GPC5: variants seen among roughly 807,000 people sequenced by gnomAD.
GPC5 encodes glypican-5.
GPC5 carries 47 observed loss-of-function variants against 53.9 expected under a neutral mutation model. The ratio of observed to expected loss-of-function variants is 0.87; its 90% CI spans 0.69 to 1.11. The LOEUF is 1.11. Among genes scored for constraint, GPC5 ranks in the 50% most tolerant of loss-of-function variants. GPC5 has a pLI of 0.00. For synonymous variants in GPC5, 286 were observed against 263.3 expected, an observed-to-expected ratio of 1.09 and a Z score of -0.84; for missense variants, 748 against 713.1, an observed-to-expected ratio of 1.05 and a Z score of -0.56.
In GPC5 at chr13:92,320,764, T is replaced by C. The variant is rs567308881; in HGVS notation, c.1561+175775T>C. 7.2e-5 allele frequency among the ~76,000 whole-genome samples: 11 copies of C among 152,268 alleles called. No individual in the cohort carries two copies. In the East Asian group the frequency reaches 2.1e-3, roughly 29 times the overall value. ...AAAAACTGTAAGACAGAAAATTAAT[T>C]AGGGCCCCCAAATGTCTTGAACTTA... is the stretch of plus-strand genomic sequence containing the variant. On this transcript the variant is annotated intron_variant, in intron 7 of 7. Transcript: ENST00000377067.
At chr13:92,636,220 T>C (rs1025199145) in intron 7 of GPC5, among the ~76,000 whole-genome samples, 1 of 152,190 alleles carries the variant, frequency 6.6e-6, no homozygotes, top group African/African-American at 2.4e-5. Context: ...AGAAATCAAG[T>C]TATAAAAATA....
intron 7 of GPC5, among the ~76,000 whole-genome samples, chr13:92,756,428 G>A (rs998449344): frequency 9.5e-4 from 144 of 151,546 alleles, no homozygotes; most frequent in African/African-American, 3.4e-3. Context: ...CACAAGACAG[G>A]GATGCCCTCT....
chr13:91,498,172 G>C (rs186472191), intron 2 of GPC5, among the ~76,000 whole-genome samples: 2 of 148,410 alleles, frequency 1.3e-5, no homozygotes, highest in African/African-American at 5.0e-5. Flanking sequence ...GTTTTGTCTT[G>C]GCTGTTTGCT....
intron 5 of GPC5, among the ~76,000 whole-genome samples, chr13:91,786,028 G>T (rs746766996): frequency 1.3e-5 from 2 of 151,924 alleles, no homozygotes; most frequent in East Asian, 1.9e-4. Context: ...ACCAAGTCTC[G>T]CTCTGTCACC....
At chr13:91,820,650 T>G (rs560039587) in intron 5 of GPC5, among the ~76,000 whole-genome samples, 1 of 152,334 alleles carries the variant, frequency 6.6e-6, no homozygotes, top group African/African-American at 2.4e-5. Context: ...GCATGTTTAG[T>G]TGAGCTTTAT....
At chr13:92,814,517 C>T (rs193180618) in intron 7 of GPC5, among the ~76,000 whole-genome samples, 11 of 151,422 alleles carry the variant, frequency 7.3e-5, no homozygotes, top group Middle Eastern at 3.4e-3. Context: ...AAAAATTAGC[C>T]GGGCATGGTG....
chr13:92,408,605 C>T (rs548887781), intron 7 of GPC5, among the ~76,000 whole-genome samples: 52 of 149,742 alleles, frequency 3.5e-4, no homozygotes, highest in African/African-American at 1.2e-3. Flanking sequence ...TTAGCTCCTG[C>T]GATCTACCTT....
At chr13:92,316,042 T>C (rs956564037) in intron 7 of GPC5, among the ~76,000 whole-genome samples, 1 of 152,212 alleles carries the variant, frequency 6.6e-6, no homozygotes, top group African/African-American at 2.4e-5. Flanking sequence ...ACAGGTCAGA[T>C]AGAATTCGAT....
intron 1 of GPC5, among the ~76,000 whole-genome samples, chr13:91,447,820 G>T (rs557378760): frequency 6.6e-6 from 1 of 152,030 alleles, no homozygotes. Flanking sequence ...GGAAATAACC[G>T]TATTAGGCCA....
intron 2 of GPC5, among the ~76,000 whole-genome samples, chr13:91,457,572 T>G (rs191840782): frequency 1.7e-3 from 266 of 152,224 alleles, no homozygotes; most frequent in African/African-American, 6.3e-3. Context: ...ATAGGGACAA[T>G]GCACCCTGCC....
At chr13:92,192,600 ATTG>A (rs2042230498) in intron 7 of GPC5, among the ~76,000 whole-genome samples, 1 of 152,190 alleles carries the variant, frequency 6.6e-6, no homozygotes, top group Non-Finnish European at 1.5e-5. Flanking sequence ...GAAAAAAAGT[ATTG>A]TTTAGTTGAA....
chr13:92,551,962 T>G (rs1237064697), intron 7 of GPC5, among the ~76,000 whole-genome samples: 1 of 151,924 alleles, frequency 6.6e-6, no homozygotes, highest in African/African-American at 2.4e-5. Flanking sequence ...GATACTAATA[T>G]GCATTAATTT....
chr13:92,563,077 TATC>T (rs1229811987), intron 7 of GPC5, among the ~76,000 whole-genome samples: 1 of 151,950 alleles, frequency 6.6e-6, no homozygotes, highest in Non-Finnish European at 1.5e-5. Flanking sequence ...TACCAATCAA[TATC>T]ATTTTTCTAT....
intron 4 of GPC5, among the ~76,000 whole-genome samples, chr13:91,750,674 C>CTTTTTTT (rs752907631): frequency 4.5e-4 from 37 of 82,006 alleles, no homozygotes; most frequent in Admixed American, 9.5e-4. Context: ...TAGGTAAGTC[C>CTTTTTTT]TTTTTTTTTT....
rs575434196 is a variant in GPC5 at position 91,836,121 on chromosome 13, G to A, written c.1281-71816G>A. 1.3e-5 allele frequency among the ~76,000 whole-genome samples: 2 copies of A among 151,712 alleles called. 1 individual carries two copies. The highest frequency in any genetic ancestry group is 4.1e-4 in the South Asian group (2 of 4,820). On this transcript the variant is annotated intron_variant, in intron 5 of 7. Transcript: ENST00000377067. ...AGCACTAAGAAGAAATTTAAATATT[G>A]TATGTTACTATGTACTCAGAAAAAT... is the stretch of plus-strand genomic sequence containing the variant.
At chr13:92,506,950 T>C (rs1374827681) in intron 7 of GPC5, among the ~76,000 whole-genome samples, 2 of 152,196 alleles carry the variant, frequency 1.3e-5, no homozygotes, top group Non-Finnish European at 2.9e-5. Context: ...TATTTCCACT[T>C]AGTCTGTGCC....
chr13:92,487,874 A>G (rs1879615875), intron 7 of GPC5, among the ~76,000 whole-genome samples: 2 of 151,134 alleles, frequency 1.3e-5, no homozygotes, highest in Non-Finnish European at 1.5e-5. Context: ...AGTAAAACCT[A>G]TGCTATTACA....
chr13:92,391,796 A>G (rs993576621), intron 7 of GPC5, among the ~76,000 whole-genome samples: 8 of 152,180 alleles, frequency 5.3e-5, no homozygotes, highest in Admixed American at 4.6e-4. Flanking sequence ...TTAGGGGAAC[A>G]CATAGAATCC....
At chr13:91,846,142 AT>A (rs1243652740) in intron 5 of GPC5, among the ~76,000 whole-genome samples, 4 of 152,264 alleles carry the variant, frequency 2.6e-5, no homozygotes, top group African/African-American at 9.6e-5. Flanking sequence ...AAAAGTACCT[AT>A]ATGGCGGTAA....
Sources: allele counts gnomAD v4.1 joint callset (sites outside exome capture counted in the v4.1 genomes callset), GRCh38; gene constraint gnomAD v4.1.1; transcripts MANE v1.5; gene names NCBI Gene and HGNC (gene_info 2026-07-23, HGNC 2026-07-21).